Variants in UBR2 observed in about 807,000 individuals in gnomAD.
UBR2 encodes the protein ubiquitin protein ligase E3 component n-recognin 2.
Under a neutral mutation model 247.9 loss-of-function variants are expected in UBR2, and 92 were observed. The ratio of observed to expected loss-of-function variants is 0.37; its 90% CI spans 0.31 to 0.44. UBR2 has a LOEUF of 0.44. UBR2 is among the 20% of genes least tolerant of loss of function. UBR2 has a pLI of 1.00. For synonymous variants in UBR2, 672 were observed against 693.5 expected (o/e 0.97, Z 0.49); for missense variants, 1,613 against 2,112.6 (o/e 0.76, Z 4.64).
intron 30 of UBR2, among the ~76,000 whole-genome samples, chr6:42,661,698 A>G (rs59978246): frequency 0.016 from 2,402 of 152,022 alleles, 57 homozygotes; most frequent in African/African-American, 0.055. Context: ...TTTGGCTCTG[A>G]TGTGATTATT....
At chr6:42,614,375 T>TACGTACATACATACATAC in intron 8 of UBR2, among the ~76,000 whole-genome samples, 1 of 69,772 alleles carries the variant, frequency 1.4e-5, no homozygotes, top group African/African-American at 5.4e-5. Flanking sequence ...TGTGTATGTG[T>TACGTACATACATACATAC]GTATATATGT....
intron 1 of UBR2, 62 bp from the exon 2 acceptor site, chr6:42,573,672 G>A: frequency 7.1e-7 from 1 of 1,416,146 alleles, no homozygotes; most frequent in Non-Finnish European, 9.3e-7. Context: ...AAAGTAGGGT[G>A]AATTTGTTCA....
chr6:42,588,909 T>G (rs571884544), intron 2 of UBR2, among the ~76,000 whole-genome samples: 1 of 152,316 alleles, frequency 6.6e-6, no homozygotes, highest in East Asian at 1.9e-4. Flanking sequence ...TTGTAGTTAT[T>G]CCTTGTCAAG....
At chr6:42,639,881 A>G (rs765749971) in intron 15 of UBR2, among the ~76,000 whole-genome samples, 2 of 151,882 alleles carry the variant, frequency 1.3e-5, no homozygotes, top group African/African-American at 2.4e-5. Flanking sequence ...CTCTTTTATT[A>G]GCCGGGTGTG....
At chr6:42,637,874 G>GT (rs1282340867) in intron 15 of UBR2, among the ~76,000 whole-genome samples, 2 of 152,120 alleles carry the variant, frequency 1.3e-5, no homozygotes, top group African/African-American at 4.8e-5. Flanking sequence ...TTGATTCTAG[G>GT]TATTCTTTTC....
At chr6:42,596,693 AC>A (rs1280453570) in intron 4 of UBR2, among the ~76,000 whole-genome samples, 2 of 152,236 alleles carry the variant, frequency 1.3e-5, no homozygotes, top group Non-Finnish European at 2.9e-5. Flanking sequence ...ACATGCATGA[AC>A]CTCTAAAACA....
At chr6:42,589,096 A>G (rs536492454) in intron 2 of UBR2, among the ~76,000 whole-genome samples, 32 of 152,240 alleles carry the variant, frequency 2.1e-4, no homozygotes, top group African/African-American at 5.8e-4. Flanking sequence ...CTCCAGCCTC[A>G]TAGCTGGTAC....
intron 37 of UBR2, 41 bp from the exon 38 acceptor site, chr6:42,674,085 G>A (rs1482243613): frequency 1.3e-6 from 2 of 1,576,556 alleles, no homozygotes; most frequent in Non-Finnish European, 1.7e-6. Context: ...TAACATGTTG[G>A]CATATGAAAT....
chr6:42,565,047 G>A (rs183226472), intron 1 of UBR2, among the ~76,000 whole-genome samples: 56 of 152,266 alleles, frequency 3.7e-4, no homozygotes, highest in Admixed American at 2.8e-3. Context: ...TTTTTTCTAG[G>A]AGTTAGGGGT....
chr6:42,691,265 T>G lies in UBR2; in HGVS notation c.*92T>G. 2 of 1,530,748 alleles carry G rather than the reference T, an allele frequency of 1.3e-6. No homozygotes were observed. Among genetic ancestry groups the G allele is most frequent in the Non-Finnish European group, 1.8e-6 (2 of 1,127,090 alleles). 94.8% of individuals were successfully genotyped at this position (1,530,748 alleles called of 1,614,324 possible). ...AAGTTCTGCTGAATTTGGAAATAAA[T>G]TCTTTATTTAAACTTTCCTTCCCAG... On this transcript the variant is annotated 3_prime_UTR_variant, in exon 47 of 47. Transcript: ENST00000372901.
rs368067223 is a variant in UBR2, at chr6:42,592,248, A to G, written c.417+19A>G. On this transcript the variant is annotated intron_variant, in intron 3 of 46. Coordinates refer to ENST00000372901, the MANE Select transcript of UBR2 (RefSeq NM_001363705.2). Reference sequence around the variant, plus strand: ...ATATAGGGTTAGTAATGTCCAAATAATAACCATGCGCAGTATTGCATTTTA... The same window carrying G: ...ATATAGGGTTAGTAATGTCCAAATAGTAACCATGCGCAGTATTGCATTTTA... 2.5e-5 allele frequency: 38 copies of G among 1,509,828 alleles called. No homozygotes were observed. The highest frequency in any genetic ancestry group is 3.3e-5 in the Non-Finnish European group (37 of 1,123,966). The allele number at this position is 1,509,828 out of a possible 1,614,324, so 93.5% of individuals were successfully genotyped here. A position where few individuals can be genotyped will look rare whatever the true frequency, so the allele number is the denominator to read the frequency against.
intron 33 of UBR2, among the ~76,000 whole-genome samples, chr6:42,665,914 A>G (rs1798079901): frequency 6.6e-6 from 1 of 151,968 alleles, no homozygotes; most frequent in Admixed American, 6.6e-5. Flanking sequence ...CAGGATTTAT[A>G]TCATTGGTTT....
At chr6:42,574,067 T>G in intron 2 of UBR2, 74 bp downstream of exon 2, 4 of 1,405,234 alleles carry the variant, frequency 2.8e-6, no homozygotes, top group Non-Finnish European at 3.7e-6. Flanking sequence ...AACTTTTGAG[T>G]TTTTGTTTAA....
At chr6:42,603,092 AAG>A (rs1004601602) in intron 4 of UBR2, among the ~76,000 whole-genome samples, 2 of 152,194 alleles carry the variant, frequency 1.3e-5, no homozygotes, top group African/African-American at 4.8e-5. Flanking sequence ...GAAAGTAGAC[AAG>A]AGAGTGCTTC....
At chr6:42,625,384 T>C (rs1228377581) in intron 11 of UBR2, among the ~76,000 whole-genome samples, 3 of 152,202 alleles carry the variant, frequency 2.0e-5, no homozygotes, top group Admixed American at 6.5e-5. Context: ...CTATAGGTTT[T>C]GTAGTATTTT....
chr6:42,640,701 A>G (rs1324731658), intron 16 of UBR2, among the ~76,000 whole-genome samples: 2 of 151,918 alleles, frequency 1.3e-5, no homozygotes, highest in Non-Finnish European at 2.9e-5. Context: ...TTGGAGGGTA[A>G]TCTGCTTTAC....
intron 40 of UBR2, 90 bp downstream of exon 40, chr6:42,676,963 A>T: frequency 9.3e-7 from 1 of 1,078,780 alleles, no homozygotes; most frequent in Non-Finnish European, 1.4e-6. Flanking sequence ...AATTAGGGGA[A>T]TTTGTTGTCT....
intron 8 of UBR2, among the ~76,000 whole-genome samples, chr6:42,614,352 G>GTGTGTA (rs1449867951): frequency 2.4e-4 from 9 of 37,358 alleles, no homozygotes; most frequent in Non-Finnish European, 4.1e-4. Flanking sequence ...GTGTATGTAT[G>GTGTGTA]TGTGTATATA....
chr6:42,601,875 CT>C (rs534921007), intron 4 of UBR2, among the ~76,000 whole-genome samples: 8,950 of 119,948 alleles, frequency 0.075, 765 homozygotes, highest in East Asian at 0.12. Flanking sequence ...TTTTTTTTTT[CT>C]TTTTTTTTTT....
Sources: gnomAD v4.1 joint callset for allele counts (sites outside exome capture counted in the v4.1 genomes callset) on GRCh38, gnomAD v4.1.1 for gene constraint, MANE v1.5 for transcripts, NCBI Gene and HGNC (gene_info 2026-07-23, HGNC 2026-07-21) for gene names.